PILRB: variants seen among roughly 807,000 people sequenced by gnomAD.
The protein encoded by PILRB is paired immunoglobulin-like type 2 receptor beta.
PILRB carries 21 observed loss-of-function variants against 20.5 expected under a neutral mutation model. That is an observed-to-expected ratio of 1.02 (90% CI 0.72 to 1.47). PILRB has a LOEUF of 1.47. PILRB is among the 40% of genes most tolerant of loss of function. PILRB has a pLI of 0.00. For synonymous variants in PILRB, 133 were observed against 115.1 expected (o/e 1.16, Z -0.99); for missense variants, 253 against 272.1 (o/e 0.93, Z 0.49).
At chr7:100,361,953 A>AT (rs1341190784) in intron 3 of PILRB, among the ~76,000 whole-genome samples, 1 of 152,106 alleles carries the variant, frequency 6.6e-6, no homozygotes, top group Non-Finnish European at 1.5e-5. Context: ...ATACTGATAA[A>AT]TTTAACTATA....
rs1416833372 is a variant in PILRB, at chr7:100,367,728, AC to A, written c.*353del. 3.7e-5 allele frequency: 10 copies of A among 268,132 alleles called. No individual in the cohort carries two copies. The highest frequency in any genetic ancestry group is 2.2e-4 in the African/African-American group (10 of 45,654). 16.6% of individuals were successfully genotyped at this position (268,132 alleles called of 1,614,324 possible). On this transcript the variant is annotated 3_prime_UTR_variant, in exon 4 of 4. Coordinates refer to ENST00000609309, the MANE Select transcript of PILRB (RefSeq NM_178238.4). ...TGGAAAAATACAATTTATTTTGCTT[AC>A]CATACACCCCTTTTCTCCTCGTCCA...
chr7:100,358,870 A>G lies in PILRB; in HGVS notation c.245A>G (p.Tyr82Cys), dbSNP rs2130094116. Residue 82 changes from tyrosine to cysteine, a missense_variant, in exon 2 of 4, where the codon TAC becomes TGC. Physicochemically the swap from Tyr to Cys is radical, Grantham distance 194. Coordinates refer to ENST00000609309, the MANE Select transcript of PILRB (RefSeq NM_178238.4). ...GGCCACTTCCACGGGCAGTCCTTCT[A>G]CAGCACAAGGCCGCCTTCCATTCAC... ...RRGHFHGQSF[Y>C]STRPPSIHKD... 1 of 1,614,082 alleles carries G rather than the reference A, an allele frequency of 6.2e-7. No individual in the cohort carries two copies. Among genetic ancestry groups the G allele is most frequent in the Non-Finnish European group, 8.5e-7 (1 of 1,180,020 alleles).
At chr7:100,359,946 C>G (rs553408799) in intron 3 of PILRB, among the ~76,000 whole-genome samples, 227 of 152,298 alleles carry the variant, frequency 1.5e-3, no homozygotes, top group African/African-American at 5.1e-3. Flanking sequence ...TCGCTTGAAC[C>G]CGGGAGGCAG....
chr7:100,362,281 A>G (rs1584199492), intron 3 of PILRB, among the ~76,000 whole-genome samples: 2 of 152,140 alleles, frequency 1.3e-5, no homozygotes, highest in Non-Finnish European at 1.5e-5. Flanking sequence ...TACAGATGAA[A>G]AGGCTGGTGA....
intron 3 of PILRB, among the ~76,000 whole-genome samples, chr7:100,365,419 A>G (rs1790651332): frequency 1.3e-5 from 2 of 151,984 alleles, no homozygotes; most frequent in South Asian, 4.3e-4. Flanking sequence ...TTCCACTTAC[A>G]TGGTATCTAG....
chr7:100,363,603 A>C (rs981793735), intron 3 of PILRB, among the ~76,000 whole-genome samples: 1 of 152,228 alleles, frequency 6.6e-6, no homozygotes, highest in Admixed American at 6.5e-5. Flanking sequence ...CATGCCACCA[A>C]CAACAATCTC....
intron 2 of PILRB, 34 bp from the exon 3 acceptor site, chr7:100,359,303 A>C (rs1299243427): frequency 6.2e-7 from 1 of 1,608,138 alleles, no homozygotes; most frequent in Non-Finnish European, 8.5e-7. Flanking sequence ...CCACACCCCC[A>C]GAAGAGGGTC....
rs762349237 is a variant in PILRB at position 100,358,882 on chromosome 7, C to T, written c.257C>T (p.Pro86Leu). The T allele has an allele frequency of 4.3e-6, 7 of 1,614,148 alleles. No homozygotes were observed. In the South Asian group the frequency reaches 4.4e-5, roughly 10 times the overall value. The change falls in exon 2 of 4, where the codon CCG becomes CTG. Residue 86 changes from proline (P) to leucine (L), a missense_variant. Transcript: ENST00000609309. The stretch of plus-strand genomic sequence containing the variant: ...GGGCAGTCCTTCTACAGCACAAGGC[C>T]GCCTTCCATTCACAAGGATTATGTG... Reference protein sequence around the residue: ...FHGQSFYSTRPPSIHKDYVNR... With the variant: ...FHGQSFYSTRLPSIHKDYVNR...
At chr7:100,365,048 G>A (rs955675942) in intron 3 of PILRB, among the ~76,000 whole-genome samples, 1 of 152,160 alleles carries the variant, frequency 6.6e-6, no homozygotes, top group Non-Finnish European at 1.5e-5. Context: ...CACCCAGGCT[G>A]GAGTGCAGCA....
chr7:100,362,190 T>G (rs1254996036), intron 3 of PILRB, among the ~76,000 whole-genome samples: 1 of 152,102 alleles, frequency 6.6e-6, no homozygotes, highest in Non-Finnish European at 1.5e-5. Context: ...GAGGGAACAC[T>G]TCCAGGTTCA....
At chr7:100,364,675 A>G (rs117861114) in intron 3 of PILRB, among the ~76,000 whole-genome samples, 4,863 of 152,358 alleles carry the variant, frequency 0.032, 116 homozygotes, top group South Asian at 0.099. Flanking sequence ...TAGAACTACC[A>G]TATGATCCAA....
Position 100,358,209 on chromosome 7 carries a change from ACTCAC to A in PILRB, c.-89_-85del. Reference sequence around the variant, plus strand: ...GGGGAGCCTCACCCTGGCTCTCCCCACTCACCTCAGCCCTCAGGCAGCCCCTCCAC... The same window carrying A: ...GGGGAGCCTCACCCTGGCTCTCCCCACTCAGCCCTCAGGCAGCCCCTCCAC... On this transcript the variant is annotated 5_prime_UTR_variant, in exon 1 of 4. Transcript: ENST00000609309. 3.4e-6 allele frequency: 5 copies of A among 1,483,112 alleles called. No homozygotes were observed. The highest frequency in any genetic ancestry group is 4.7e-6 in the Non-Finnish European group (5 of 1,071,964). 91.9% of individuals were successfully genotyped at this position (1,483,112 alleles called of 1,614,324 possible).
chr7:100,359,188 T>G (rs1790455253), intron 2 of PILRB, 109 bp downstream of exon 2: 1 of 1,527,304 alleles, frequency 6.5e-7, no homozygotes, highest in Admixed American at 1.8e-5. Flanking sequence ...GCTGTTAGCA[T>G]TTCACCTTGC....
Position 100,358,323 on chromosome 7 carries a change from G to A in PILRB, c.21G>A (p.Leu7=). 1 of 1,612,660 alleles carries A rather than the reference G, an allele frequency of 6.2e-7. No individual in the cohort carries two copies. The highest frequency in any genetic ancestry group is 8.5e-7 in the Non-Finnish European group (1 of 1,179,972). Residue 7 remains leucine, a synonymous_variant, in exon 1 of 4, where the codon CTG becomes CTA. Transcript: ENST00000609309. ...AGGCCATGGGTCGGCCCCTGCTGCTGCCCCTGCTGCTCCTGCTGCAGCCGC... is the reference window on the plus strand; with the variant it reads ...AGGCCATGGGTCGGCCCCTGCTGCTACCCCTGCTGCTCCTGCTGCAGCCGC... MGRPLL[L]PLLLLLQPPA...
At chr7:100,364,977 AAAT>A (rs1015659758) in intron 3 of PILRB, among the ~76,000 whole-genome samples, 15 of 152,204 alleles carry the variant, frequency 9.9e-5, no homozygotes, top group African/African-American at 2.2e-4. Context: ...GTTCTGAAAA[AAAT>A]AATATTATTG....
chr7:100,367,770 A>G lies in PILRB; in HGVS notation c.*393A>G. The G allele has an allele frequency of 5.1e-6, 1 of 195,390 alleles. No individual in the cohort carries two copies. The highest frequency in any genetic ancestry group is 1.0e-4 in the South Asian group (1 of 10,026). 12.1% of individuals were successfully genotyped at this position (195,390 alleles called of 1,614,324 possible). A position where few individuals can be genotyped will look rare whatever the true frequency, so the allele number is the denominator to read the frequency against. The stretch of plus-strand genomic sequence containing the variant: ...TCCTCGTCCACATTTTCCAATCTGT[A>G]TGGTGGCTGTCTTCTATGGCAGAAG... On this transcript the variant is annotated 3_prime_UTR_variant, in exon 4 of 4. Coordinates refer to ENST00000609309, the MANE Select transcript of PILRB (RefSeq NM_178238.4).
chr7:100,366,004 A>AC (rs1563110916), intron 3 of PILRB, among the ~76,000 whole-genome samples: 2 of 126,090 alleles, frequency 1.6e-5, no homozygotes, highest in African/African-American at 6.2e-5. Context: ...CCCAGGCTGG[A>AC]GTGCAGTGGT....
In PILRB at chr7:100,358,711, C is replaced by T; in HGVS notation, c.86C>T (p.Pro29Leu). 6.2e-7 allele frequency: 1 copy of T among 1,613,930 alleles called. No homozygotes were observed. Among genetic ancestry groups the T allele is most frequent in the Admixed American group, 1.7e-5 (1 of 60,010 alleles). ...CTAGGTGGCTCCACAGGATCTGGTC[C>T]AAGCTACCTTTATGGGGTCACTCAA... ...LQPGGSTGSG[P>L]SYLYGVTQPK... is the part of the protein sequence containing the mutation. Residue 29 changes from proline to leucine, a missense_variant, in exon 2 of 4, where the codon CCA becomes CTA. By Grantham distance (98) the Pro-to-Leu change is moderately conservative (BLOSUM62 -3). Coordinates refer to ENST00000609309, the MANE Select transcript of PILRB (RefSeq NM_178238.4).
chr7:100,364,878 C>G (rs1790631671), intron 3 of PILRB, among the ~76,000 whole-genome samples: 2 of 152,018 alleles, frequency 1.3e-5, no homozygotes, highest in African/African-American at 4.8e-5. Context: ...GACCTGAGCC[C>G]AGGAGGTTGA....
Sources: allele counts gnomAD v4.1 joint callset (sites outside exome capture counted in the v4.1 genomes callset), GRCh38; gene constraint gnomAD v4.1.1; transcripts MANE v1.5; gene names NCBI Gene and HGNC (gene_info 2026-07-23, HGNC 2026-07-21).